The following GLP1R variants were observed in gnomAD, a reference collection of about 807,000 sequenced individuals.
GLP1R encodes the protein glucagon like peptide 1 receptor.
GLP1R carries 32 observed loss-of-function variants against 68.4 expected under a neutral mutation model. The observed-to-expected ratio is 0.47, with a 90% CI of 0.35 to 0.63. GLP1R has a LOEUF of 0.63. GLP1R is among the 20% of genes least tolerant of loss of function. The pLI, the probability that GLP1R is intolerant of heterozygous loss-of-function variation, is 0.00. For synonymous variants in GLP1R, 263 were observed against 244.4 expected (o/e 1.08, Z -0.71); for missense variants, 502 against 594.9 (o/e 0.84, Z 1.62).
In GLP1R at chr6:39,065,732, G is replaced by A. The variant is rs1231745755; in HGVS notation, c.305G>A (p.Arg102Gln). 3 of 1,570,990 alleles carry A rather than the reference G, an allele frequency of 1.9e-6. No homozygotes were observed. Among genetic ancestry groups the A allele is most frequent in the Non-Finnish European group, 2.6e-6 (3 of 1,157,452 alleles). ...CCAGTGCCGCAGGGCCACGTGTACCGGTTCTGCACAGCTGAAGGCCTCTGG... is the reference window on the plus strand; with the variant it reads ...CCAGTGCCGCAGGGCCACGTGTACCAGTTCTGCACAGCTGAAGGCCTCTGG... ...ASSVPQGHVY[R>Q]FCTAEGLWLQ... The change falls in exon 4 of 13, where the codon CGG becomes CAG. Residue 102 changes from arginine (R) to glutamine (Q), a missense_variant. Coordinates refer to ENST00000373256, the MANE Select transcript of GLP1R (RefSeq NM_002062.5).
chr6:39,073,082 C>T (rs569493979), intron 6 of GLP1R, 67 bp downstream of exon 6: 5 of 1,415,310 alleles, frequency 3.5e-6, no homozygotes, highest in African/African-American at 2.8e-5. Flanking sequence ...CTCTGCCACC[C>T]TAGACAGGCC....
chr6:39,061,953 C>T (rs1309278241), intron 3 of GLP1R, among the ~76,000 whole-genome samples: 2 of 152,162 alleles, frequency 1.3e-5, no homozygotes, highest in Non-Finnish European at 2.9e-5. Flanking sequence ...CACCTCACTC[C>T]CTTGGGGAGG....
chr6:39,077,894 G>T (rs183903028), intron 7 of GLP1R, among the ~76,000 whole-genome samples: 78 of 152,336 alleles, frequency 5.1e-4, no homozygotes, highest in South Asian at 1.0e-3. Context: ...GTGCCTTTAG[G>T]AGTTGACTGG....
chr6:39,078,019 G>T (rs981257240), intron 7 of GLP1R, among the ~76,000 whole-genome samples: 3 of 152,096 alleles, frequency 2.0e-5, no homozygotes, highest in Non-Finnish European at 2.9e-5. Flanking sequence ...TTGTGTGTCT[G>T]TGGCCTGGTA....
chr6:39,055,555 T>C (rs1450831914), intron 1 of GLP1R, among the ~76,000 whole-genome samples: 1 of 152,168 alleles, frequency 6.6e-6, no homozygotes, highest in Non-Finnish European at 1.5e-5. Context: ...GAGGCTCAGC[T>C]CTCCCTACTC....
intron 3 of GLP1R, among the ~76,000 whole-genome samples, chr6:39,062,987 A>G (rs1443067378): frequency 6.6e-6 from 1 of 152,262 alleles, no homozygotes; most frequent in Non-Finnish European, 1.5e-5. Flanking sequence ...GCAACAAGGC[A>G]GTGCCTACTG....
chr6:39,049,908 C>A lies in GLP1R; in HGVS notation c.78+990C>A, dbSNP rs1178331567. Among the ~76,000 whole-genome samples, 1 of 152,164 alleles carries A rather than the reference C, an allele frequency of 6.6e-6. No individual in the cohort carries two copies. Among genetic ancestry groups the A allele is most frequent in the Non-Finnish European group, 1.5e-5 (1 of 68,024 alleles). On this transcript the variant is annotated intron_variant, in intron 1 of 12. Transcript: ENST00000373256. This position sits in a 1 kb window ranked among gnomAD's most constrained non-coding sequence, Gnocchi z 4.5. ...GTCCTGGGTCAGGAAACAGGTTCTT[C>A]CTATCACCTCCCACTGCTACCCCCA... is the stretch of plus-strand genomic sequence containing the variant.
In GLP1R at chr6:39,082,864, G is replaced by A. The variant is rs185902588; in HGVS notation, c.1224+2125G>A. On this transcript the variant is annotated intron_variant, in intron 12 of 12. Transcript: ENST00000373256. ...GTCATCTTGACCCCCCCACGTCCCC[G>A]TTTCTCACTTCTCTATCCTCTGACA... is the stretch of plus-strand genomic sequence containing the variant. Among the ~76,000 whole-genome samples, 357 of 151,918 alleles carry A rather than the reference G, an allele frequency of 2.3e-3. 1 individual carries two copies. Among genetic ancestry groups the A allele is most frequent in the Admixed American group, 3.5e-3 (54 of 15,258 alleles).
At position 39,079,981 on chromosome 6, in the gene GLP1R, C is replaced by T. The variant is rs933823032; in HGVS notation, c.1182+279C>T. Among the ~76,000 whole-genome samples the T allele has an allele frequency of 6.6e-6, 1 of 152,162 alleles. No homozygotes were observed. Among genetic ancestry groups the T allele is most frequent in the African/African-American group, 2.4e-5 (1 of 41,430 alleles). On this transcript the variant is annotated intron_variant, in intron 11 of 12. Coordinates refer to ENST00000373256, the MANE Select transcript of GLP1R (RefSeq NM_002062.5). The surrounding 1 kb of genome is among the most constrained non-coding windows in gnomAD (Gnocchi z 4.5). ...CAGCTGCCATCTACTTGGTGGCGAGCACCCTGCCAGGTGCTTTACATGCAT... is the reference window on the plus strand; with the variant it reads ...CAGCTGCCATCTACTTGGTGGCGAGTACCCTGCCAGGTGCTTTACATGCAT...
At chr6:39,067,048 T>C (rs1040813434) in intron 5 of GLP1R, among the ~76,000 whole-genome samples, 4 of 152,222 alleles carry the variant, frequency 2.6e-5, no homozygotes, top group African/African-American at 9.6e-5. Flanking sequence ...ACTGATACTA[T>C]GATCACTCAT....
intron 1 of GLP1R, among the ~76,000 whole-genome samples, chr6:39,053,419 A>G (rs1768134917): frequency 6.6e-6 from 1 of 152,250 alleles, no homozygotes; most frequent in Admixed American, 6.5e-5. Context: ...ATGATTGGTC[A>G]TTGGACATGA....
In GLP1R at chr6:39,088,938, C is replaced by A. The variant is rs1160933347; in HGVS notation, c.*2865C>A. On this transcript the variant is annotated 3_prime_UTR_variant, in exon 13 of 13. Transcript: ENST00000373256. ...TGAGCTGGGCCAGGACCCAGACAAG[C>A]CCTTTTCTCTCAGTCTAGTGAGGCC... 6.6e-6 allele frequency among the ~76,000 whole-genome samples: 1 copy of A among 152,152 alleles called. No individual in the cohort carries two copies. The highest frequency in any genetic ancestry group is 2.4e-5 in the African/African-American group (1 of 41,428).
chr6:39,048,833 T>A lies in GLP1R; in HGVS notation c.-8T>A. On this transcript the variant is annotated 5_prime_UTR_variant, in exon 1 of 13. Coordinates refer to ENST00000373256, the MANE Select transcript of GLP1R (RefSeq NM_002062.5). ...TGGCAGCGATGGCCCAGTCCTGAAC[T>A]CCCCGCCATGGCCGGCGCCCCCGGC... 2 of 1,417,652 alleles carry A rather than the reference T, an allele frequency of 1.4e-6. No homozygotes were observed. The highest frequency in any genetic ancestry group is 1.3e-5 in the South Asian group (1 of 79,332). The allele number at this position is 1,417,652 out of a possible 1,614,324, so 87.8% of individuals were successfully genotyped here.
rs112217428 is a variant in GLP1R at position 39,048,838 on chromosome 6, G to T, written c.-3G>T. The T allele has an allele frequency of 2.1e-6, 3 of 1,450,044 alleles. No individual in the cohort carries two copies. Among genetic ancestry groups the T allele is most frequent in the African/African-American group, 1.5e-5 (1 of 67,864 alleles). The allele number at this position is 1,450,044 out of a possible 1,614,324, so 89.8% of individuals were successfully genotyped here. A position where few individuals can be genotyped will look rare whatever the true frequency, so the allele number is the denominator to read the frequency against. ...GCGATGGCCCAGTCCTGAACTCCCCGCCATGGCCGGCGCCCCCGGCCCGCT... is the reference window on the plus strand; with the variant it reads ...GCGATGGCCCAGTCCTGAACTCCCCTCCATGGCCGGCGCCCCCGGCCCGCT... On this transcript the variant is annotated 5_prime_UTR_variant, in exon 1 of 13. Transcript: ENST00000373256.
intron 1 of GLP1R, among the ~76,000 whole-genome samples, chr6:39,055,734 T>C (rs3799707): frequency 1.1e-4 from 17 of 149,992 alleles, no homozygotes; most frequent in South Asian, 8.5e-4. Flanking sequence ...GGGTGGGGGG[T>C]GCTGTGTTGA....
In GLP1R at chr6:39,057,565, C is replaced by T; in HGVS notation, c.269C>T (p.Pro90Leu). 6.2e-7 allele frequency: 1 copy of T among 1,600,918 alleles called. No individual in the cohort carries two copies. The highest frequency in any genetic ancestry group is 1.3e-5 in the African/African-American group (1 of 74,642). The change falls in exon 3 of 13, where the codon CCC (proline) becomes CTC (leucine). Residue 90 changes from proline to leucine, a missense_variant. Transcript: ENST00000373256. Reference sequence around the variant, plus strand: ...AATGTCAGCTGCCCCTGGTACCTGCCCTGGGCCAGCAGTGGTGAGCCCCCT... The same window carrying T: ...AATGTCAGCTGCCCCTGGTACCTGCTCTGGGCCAGCAGTGGTGAGCCCCCT... Reference protein sequence around the residue: ...FVNVSCPWYLPWASSVPQGHV... With the variant: ...FVNVSCPWYLLWASSVPQGHV...
In GLP1R at chr6:39,049,355, GACAATCCAC is replaced by G. The variant is rs1384114254; in HGVS notation, c.78+438_78+446del. 6.6e-6 allele frequency among the ~76,000 whole-genome samples: 1 copy of G among 152,130 alleles called. No homozygotes were observed. Among genetic ancestry groups the G allele is most frequent in the Non-Finnish European group, 1.5e-5 (1 of 68,016 alleles). On this transcript the variant is annotated intron_variant, in intron 1 of 12. Coordinates refer to ENST00000373256, the MANE Select transcript of GLP1R (RefSeq NM_002062.5). This position sits in a 1 kb window ranked among gnomAD's most constrained non-coding sequence, Gnocchi z 4.5. Reference sequence around the variant, plus strand: ...ACCCCTCTCCCGCAGTGCCTCCCCAGACAATCCACCTGCTCAAAGACCCTGAGAAGACCC... The same window carrying G: ...ACCCCTCTCCCGCAGTGCCTCCCCAGCTGCTCAAAGACCCTGAGAAGACCC...
chr6:39,081,139 CA>C (rs34862248), intron 12 of GLP1R, among the ~76,000 whole-genome samples: 37,716 of 150,430 alleles, frequency 0.25, 5,603 homozygotes, highest in Non-Finnish European at 0.35. Context: ...CCACATCCCT[CA>C]AAAAAAAACC....
intron 5 of GLP1R, among the ~76,000 whole-genome samples, chr6:39,067,719 A>C (rs1197537176): frequency 6.6e-6 from 1 of 152,230 alleles, no homozygotes; most frequent in East Asian, 1.9e-4. Context: ...ATTTAATCCC[A>C]ATGGCTCCAA....
Sources: allele counts gnomAD v4.1 joint callset (sites outside exome capture counted in the v4.1 genomes callset), GRCh38; gene constraint gnomAD v4.1.1; non-coding constraint Gnocchi (gnomAD v3.1); transcripts MANE v1.5; gene names NCBI Gene and HGNC (gene_info 2026-07-23, HGNC 2026-07-21).